R3HDM1: variants seen among roughly 807,000 people sequenced by gnomAD.
R3HDM1 encodes R3H domain-containing protein 1.
R3HDM1 carries 46 observed loss-of-function variants against 141.1 expected under a neutral mutation model. The ratio of observed to expected loss-of-function variants is 0.33; its 90% CI spans 0.26 to 0.42. The LOEUF (loss-of-function observed/expected upper bound fraction) is 0.42. R3HDM1 is among the 10% of genes least tolerant of loss of function. The pLI, the probability that R3HDM1 is intolerant of heterozygous loss-of-function variation, is 1.00. For missense variants in R3HDM1, 1,184 were observed against 1,368.3 expected (o/e 0.87, Z 2.12); for synonymous variants, 435 against 472.9 (o/e 0.92, Z 1.04).
chr2:135,587,305 G>T (rs894461755), intron 1 of R3HDM1, among the ~76,000 whole-genome samples: 2 of 152,090 alleles, frequency 1.3e-5, no homozygotes, highest in African/African-American at 4.8e-5. Flanking sequence ...AGTTTTGCTT[G>T]CTTTTTATCT....
intron 21 of R3HDM1, among the ~76,000 whole-genome samples, chr2:135,699,104 T>TAGA (rs34393221): frequency 0.071 from 9,970 of 140,258 alleles, 1,165 homozygotes; most frequent in African/African-American, 0.23. Flanking sequence ...GATAGATAGA[T>TAGA]TAGATATTCC....
At chr2:135,631,825 C>A in intron 8 of R3HDM1, 36 bp from the exon 9 acceptor site, 1 of 1,593,284 alleles carries the variant, frequency 6.3e-7, no homozygotes, top group Non-Finnish European at 8.5e-7. Flanking sequence ...CACCATTCTC[C>A]TTGACTTACT....
chr2:135,618,065 A>G (rs1283957177), intron 5 of R3HDM1, among the ~76,000 whole-genome samples: 2 of 152,166 alleles, frequency 1.3e-5, no homozygotes, highest in African/African-American at 2.4e-5. Flanking sequence ...TGCAAGGAAA[A>G]TGTTTTGAAA....
At chr2:135,677,013 A>C (rs2069297857) in intron 20 of R3HDM1, among the ~76,000 whole-genome samples, 1 of 152,196 alleles carries the variant, frequency 6.6e-6, no homozygotes, top group African/African-American at 2.4e-5. Context: ...GAACAGGTTA[A>C]GGACTTGATT....
chr2:135,574,954 A>G (rs948626350), intron 1 of R3HDM1, among the ~76,000 whole-genome samples: 2 of 152,220 alleles, frequency 1.3e-5, no homozygotes, highest in African/African-American at 4.8e-5. Flanking sequence ...ATTATAATGG[A>G]GGTATTAACC....
chr2:135,679,470 C>T (rs1003519141), intron 20 of R3HDM1, among the ~76,000 whole-genome samples: 11 of 152,102 alleles, frequency 7.2e-5, no homozygotes, highest in African/African-American at 2.4e-4. Context: ...GCTGATATCA[C>T]ATGTAGGTAT....
intron 1 of R3HDM1, among the ~76,000 whole-genome samples, chr2:135,571,709 C>A (rs1335436958): frequency 6.6e-6 from 1 of 152,170 alleles, no homozygotes; most frequent in Non-Finnish European, 1.5e-5. Context: ...TCACTGCAGC[C>A]TCTACCCCTG....
intron 1 of R3HDM1, among the ~76,000 whole-genome samples, chr2:135,556,476 GAGT>G (rs1459627051): frequency 1.3e-5 from 2 of 151,742 alleles, no homozygotes; most frequent in East Asian, 3.9e-4. Context: ...CTGTGTTTAA[GAGT>G]AGCAGTTGAT....
chr2:135,706,085 C>A (rs934755444), intron 21 of R3HDM1, among the ~76,000 whole-genome samples: 1 of 150,708 alleles, frequency 6.6e-6, no homozygotes, highest in Non-Finnish European at 1.5e-5. Context: ...GCCAAGATTG[C>A]GCCACTGCAC....
At chr2:135,534,458 G>A (rs1348605961) in intron 1 of R3HDM1, among the ~76,000 whole-genome samples, 1 of 152,194 alleles carries the variant, frequency 6.6e-6, no homozygotes, top group African/African-American at 2.4e-5. Flanking sequence ...GAAACAACTT[G>A]TGAGAGGTGC....
chr2:135,621,466 T>C, intron 5 of R3HDM1, 28 bp from the exon 6 acceptor site: 1 of 1,379,928 alleles, frequency 7.2e-7, no homozygotes, highest in Non-Finnish European at 1.0e-6. Flanking sequence ...TGTATTTTCA[T>C]TGAATAATTG....
intron 16 of R3HDM1, among the ~76,000 whole-genome samples, chr2:135,646,576 G>A (rs1479814046): frequency 4.6e-5 from 7 of 151,548 alleles, no homozygotes; most frequent in East Asian, 2.0e-4. Context: ...GGCCTGGCGC[G>A]TTGGCTCACA....
At chr2:135,662,759 C>T (rs941136877) in intron 19 of R3HDM1, among the ~76,000 whole-genome samples, 1 of 152,242 alleles carries the variant, frequency 6.6e-6, no homozygotes, top group Admixed American at 6.5e-5. Flanking sequence ...TGCTCATTAG[C>T]TTTATATACA....
At chr2:135,636,639 C>A (rs2063278962) in intron 11 of R3HDM1, among the ~76,000 whole-genome samples, 1 of 152,014 alleles carries the variant, frequency 6.6e-6, no homozygotes, top group African/African-American at 2.4e-5. Context: ...TTTTCTTCTT[C>A]ATAAGTGATT....
chr2:135,689,854 G>T (rs1229731452), intron 21 of R3HDM1, among the ~76,000 whole-genome samples: 1 of 152,096 alleles, frequency 6.6e-6, no homozygotes, highest in Non-Finnish European at 1.5e-5. Flanking sequence ...TCAAAAGTGG[G>T]CAAGTGAGTT....
Position 135,724,087 on chromosome 2 carries a change from G to C in R3HDM1, c.3200G>C (p.Cys1067Ser). The change falls in exon 27 of 27, where the codon TGT becomes TCT. Residue 1067 changes from cysteine (C) to serine (S), a missense_variant. Cys to Ser is a moderately radical substitution (Grantham distance 112). Coordinates refer to ENST00000683871, the MANE Select transcript of R3HDM1 (RefSeq NM_001378107.1). ...QSQPRRHPLC[C>S]GSGDNTANPE... Reference sequence around the variant, plus strand: ...CAACCACGTCGTCACCCCCTCTGCTGTGGCAGTGGGGACAACACTGCCAAC... The same window carrying C: ...CAACCACGTCGTCACCCCCTCTGCTCTGGCAGTGGGGACAACACTGCCAAC... 5 of 1,614,112 alleles carry C rather than the reference G, an allele frequency of 3.1e-6. No individual in the cohort carries two copies. Among genetic ancestry groups the C allele is most frequent in the Non-Finnish European group, 4.2e-6 (5 of 1,179,994 alleles).
intron 1 of R3HDM1, among the ~76,000 whole-genome samples, chr2:135,542,863 C>T (rs1390779010): frequency 2.0e-5 from 3 of 152,078 alleles, no homozygotes; most frequent in Non-Finnish European, 4.4e-5. Context: ...CTCAGCCTCC[C>T]GAGTAGCTGG....
chr2:135,635,956 C>T lies in R3HDM1; in HGVS notation c.765C>T (p.Ile255=), dbSNP rs758125129. The change falls in exon 10 of 27, where the codon ATC becomes ATT. Residue 255 remains isoleucine (I), a synonymous_variant. Coordinates refer to ENST00000683871, the MANE Select transcript of R3HDM1 (RefSeq NM_001378107.1). ...GTGAAGACTTTCAGAAACGTTATAT[C>T]CTCAAGAGAGATAACTCTAGCTTTG... ...DKGEDFQKRY[I]LKRDNSSFDK... 11 of 1,611,800 alleles carry T rather than the reference C, an allele frequency of 6.8e-6. No homozygotes were observed. In the East Asian group the frequency reaches 2.0e-4, roughly 29 times the overall value.
At chr2:135,540,647 G>T (rs191588375) in intron 1 of R3HDM1, among the ~76,000 whole-genome samples, 1 of 152,176 alleles carries the variant, frequency 6.6e-6, no homozygotes, top group Admixed American at 6.5e-5. Context: ...CAAACTCCTG[G>T]CCTCAAGCAG....
Sources: gnomAD v4.1 joint callset for allele counts (sites outside exome capture counted in the v4.1 genomes callset) on GRCh38, gnomAD v4.1.1 for gene constraint, MANE v1.5 for transcripts, NCBI Gene and HGNC (gene_info 2026-07-23, HGNC 2026-07-21) for gene names.